UBE2E2: variants seen among roughly 807,000 people sequenced by gnomAD.
UBE2E2 encodes the protein ubiquitin-conjugating enzyme E2 E2.
In UBE2E2, 6 loss-of-function variants were observed where a neutral mutation model predicts 24.7. That is an observed-to-expected ratio of 0.24 (90% CI 0.13 to 0.48). The LOEUF (loss-of-function observed/expected upper bound fraction) is 0.48, where lower values mean the gene tolerates loss of function less well. UBE2E2 is among the 20% of genes least tolerant of loss of function. UBE2E2 has a pLI of 0.99. For synonymous variants in UBE2E2, 104 were observed against 83.6 expected, an observed-to-expected ratio of 1.24 and a Z score of -1.33; for missense variants, 169 against 245.0, an observed-to-expected ratio of 0.69 and a Z score of 2.07.
At chr3:23,567,738 G>A (rs1035197655) in intron 5 of UBE2E2, among the ~76,000 whole-genome samples, 2 of 152,118 alleles carry the variant, frequency 1.3e-5, no homozygotes, top group African/African-American at 4.8e-5. Flanking sequence ...CACAAACTAA[G>A]TCATCTTGAC....
At position 23,407,292 on chromosome 3, in the gene UBE2E2, G is replaced by T. The variant is rs778463; in HGVS notation, c.228-92316G>T. Among the ~76,000 whole-genome samples the T allele has an allele frequency of 0.16, 24,746 of 151,898 alleles. 2,066 individuals carry two copies. Among genetic ancestry groups the T allele is most frequent in the South Asian group, 0.22 (1,063 of 4,814 alleles). On this transcript the variant is annotated intron_variant, in intron 3 of 5. Coordinates refer to ENST00000396703, the MANE Select transcript of UBE2E2 (RefSeq NM_152653.4). The surrounding 1 kb of genome is among the most constrained non-coding windows in gnomAD (Gnocchi z 4.0). Reference sequence around the variant, plus strand: ...ATAAAAAGATTCAGATGACATCTGAGACAACCTGGTATAAACAGCCCTAGT... The same window carrying T: ...ATAAAAAGATTCAGATGACATCTGATACAACCTGGTATAAACAGCCCTAGT...
In UBE2E2 at chr3:23,342,382, C is replaced by T. The variant is rs182824551; in HGVS notation, c.227+125070C>T. Among the ~76,000 whole-genome samples the T allele has an allele frequency of 1.6e-4, 24 of 152,030 alleles. No homozygotes were observed. In the East Asian group the frequency reaches 4.7e-3, roughly 29 times the overall value. ...TGGAGATGGAGTTTCTCCATGTTGC[C>T]CAGGACCTTAGCTTATTTGATTGCA... On this transcript the variant is annotated intron_variant, in intron 3 of 5. Coordinates refer to ENST00000396703, the MANE Select transcript of UBE2E2 (RefSeq NM_152653.4).
rs1201136077 is a variant in UBE2E2 at position 23,591,198 on chromosome 3, G to GT, written c.*1368dup. ...TGATTGATAATTCAGGGTTATTAGT[G>GT]TAACAAAGCGTAGTGGAAACTCCTA... On this transcript the variant is annotated 3_prime_UTR_variant, in exon 6 of 6. Coordinates refer to ENST00000396703, the MANE Select transcript of UBE2E2 (RefSeq NM_152653.4). 2.0e-5 allele frequency: 3 copies of GT among 152,112 alleles called. No homozygotes were observed. Among genetic ancestry groups the GT allele is most frequent in the Non-Finnish European group, 4.4e-5 (3 of 68,042 alleles). The allele number at this position is 152,112 out of a possible 1,614,324, so 9.4% of individuals were successfully genotyped here.
At chr3:23,370,322 G>A (rs1047094213) in intron 3 of UBE2E2, among the ~76,000 whole-genome samples, 1 of 152,170 alleles carries the variant, frequency 6.6e-6, no homozygotes, top group Admixed American at 6.6e-5. Flanking sequence ...GTGAGGAACT[G>A]TTCAGAGTGA....
chr3:23,265,525 A>T (rs1369240073), intron 3 of UBE2E2, among the ~76,000 whole-genome samples: 1 of 140,182 alleles, frequency 7.1e-6, no homozygotes, highest in African/African-American at 3.3e-5. Context: ...AAAGAACAAC[A>T]GAGAAACCAT....
intron 3 of UBE2E2, among the ~76,000 whole-genome samples, chr3:23,350,010 C>A (rs983147866): frequency 2.6e-5 from 4 of 152,188 alleles, no homozygotes; most frequent in Non-Finnish European, 5.9e-5. Context: ...TGACACCTCA[C>A]ACGGCCAGGT....
intron 3 of UBE2E2, among the ~76,000 whole-genome samples, chr3:23,366,736 C>T (rs1696265389): frequency 6.6e-6 from 1 of 151,888 alleles, no homozygotes; most frequent in South Asian, 2.1e-4. Flanking sequence ...ACCTGTATAA[C>T]AAACCTGCAC....
At position 23,427,961 on chromosome 3, in the gene UBE2E2, C is replaced by G. The variant is rs540007039; in HGVS notation, c.228-71647C>G. On this transcript the variant is annotated intron_variant, in intron 3 of 5. Coordinates refer to ENST00000396703, the MANE Select transcript of UBE2E2 (RefSeq NM_152653.4). The stretch of plus-strand genomic sequence containing the variant: ...CTATAAAGAGAAATAGATGATTTGG[C>G]TATTAAATAGTTAGAGACTTCAGGA... Among the ~76,000 whole-genome samples the G allele has an allele frequency of 1.8e-4, 28 of 152,280 alleles. 2 individuals are homozygous for G. The highest frequency in any genetic ancestry group is 6.5e-4 in the African/African-American group (27 of 41,568).
chr3:23,533,496 G>A (rs990089429), intron 5 of UBE2E2, among the ~76,000 whole-genome samples: 7 of 151,992 alleles, frequency 4.6e-5, no homozygotes, highest in African/African-American at 1.2e-4. Flanking sequence ...TGGAAATGAC[G>A]AGTATCAGTG....
intron 3 of UBE2E2, among the ~76,000 whole-genome samples, chr3:23,324,792 T>TAA (rs34708529): frequency 5.0e-4 from 74 of 147,756 alleles, no homozygotes; most frequent in South Asian, 2.5e-3. Context: ...GAAAAGAATT[T>TAA]AAAAAAAAAA....
chr3:23,535,501 G>A (rs1298284148), intron 5 of UBE2E2, among the ~76,000 whole-genome samples: 4 of 152,062 alleles, frequency 2.6e-5, no homozygotes, highest in South Asian at 2.1e-4. Context: ...TCAGCCAGTC[G>A]ATGGGTGCAC....
intron 3 of UBE2E2, among the ~76,000 whole-genome samples, chr3:23,284,954 G>GA (rs145146864): frequency 2.3e-3 from 295 of 131,040 alleles, no homozygotes; most frequent in Admixed American, 4.0e-3. Context: ...CTTCTTGTTG[G>GA]AAAAAAAAAT....
At chr3:23,293,740 C>A (rs1301327448) in intron 3 of UBE2E2, among the ~76,000 whole-genome samples, 1 of 152,130 alleles carries the variant, frequency 6.6e-6, no homozygotes, top group Non-Finnish European at 1.5e-5. Context: ...GTCTTTAGAA[C>A]CATCTTTTTT....
At chr3:23,362,338 AG>A (rs1219049450) in intron 3 of UBE2E2, among the ~76,000 whole-genome samples, 1 of 152,190 alleles carries the variant, frequency 6.6e-6, no homozygotes, top group Non-Finnish European at 1.5e-5. Flanking sequence ...TATAGGCTGA[AG>A]CAGAGAGCCC....
chr3:23,562,230 T>C (rs531012127), intron 5 of UBE2E2, among the ~76,000 whole-genome samples: 1 of 152,128 alleles, frequency 6.6e-6, no homozygotes, highest in African/African-American at 2.4e-5. Context: ...CTTATTATTT[T>C]GAGATACGTC....
chr3:23,223,305 G>A (rs931258754), intron 3 of UBE2E2, among the ~76,000 whole-genome samples: 1 of 150,222 alleles, frequency 6.7e-6, no homozygotes, highest in African/African-American at 2.5e-5. Context: ...TGATTCTTCT[G>A]CCTCAGCCTC....
At chr3:23,343,167 C>G (rs965952350) in intron 3 of UBE2E2, among the ~76,000 whole-genome samples, 1 of 151,118 alleles carries the variant, frequency 6.6e-6, no homozygotes, top group East Asian at 1.9e-4. Context: ...TCTTAAGGTA[C>G]ATGAAGGAGT....
chr3:23,460,630 C>G (rs938497433), intron 3 of UBE2E2, among the ~76,000 whole-genome samples: 3 of 152,016 alleles, frequency 2.0e-5, no homozygotes, highest in Non-Finnish European at 2.9e-5. Context: ...ATTTAAAGCT[C>G]TTTGGTAATT....
chr3:23,276,788 G>C (rs1698383430), intron 3 of UBE2E2, among the ~76,000 whole-genome samples: 1 of 151,934 alleles, frequency 6.6e-6, no homozygotes, highest in East Asian at 1.9e-4. Flanking sequence ...TGTACTTTTT[G>C]TGAAATTTTA....
Sources: gnomAD v4.1 joint callset for allele counts (sites outside exome capture counted in the v4.1 genomes callset) on GRCh38, gnomAD v4.1.1 for gene constraint, Gnocchi (gnomAD v3.1) non-coding constraint, MANE v1.5 for transcripts, NCBI Gene and HGNC (gene_info 2026-07-23, HGNC 2026-07-21) for gene names.